FADS6: variants seen among roughly 807,000 people sequenced by gnomAD.
FADS6 encodes the protein fatty acid desaturase 6.
A neutral mutation model predicts 31.7 loss-of-function variants in FADS6; 28 were observed. The ratio of observed to expected loss-of-function variants is 0.88; its 90% CI spans 0.66 to 1.21. The LOEUF (loss-of-function observed/expected upper bound fraction) is 1.21. Ranked by LOEUF, FADS6 falls within the 50% of genes most tolerant of loss-of-function variation. FADS6 has a pLI of 0.00. For missense variants in FADS6, 494 were observed against 504.2 expected (o/e 0.98, Z 0.19); for synonymous variants, 191 against 213.1 (o/e 0.90, Z 0.90).
intron 2 of FADS6, among the ~76,000 whole-genome samples, chr17:74,886,513 T>C (rs2038625641): frequency 7.3e-6 from 1 of 136,426 alleles, no homozygotes; most frequent in African/African-American, 2.7e-5. Flanking sequence ...GAGAAGAACA[T>C]AGAAGAAGAG....
chr17:74,880,924 G>C (rs1412326482), intron 4 of FADS6, 144 bp downstream of exon 4: 1 of 834,550 alleles, frequency 1.2e-6, no homozygotes, highest in African/African-American at 1.7e-5. Context: ...ACGAGGCGAG[G>C]GCACAGTGTG....
At chr17:74,881,299 A>T (rs562859192) in intron 3 of FADS6, 44 bp from the exon 4 acceptor site, 272 of 1,524,802 alleles carry the variant, frequency 1.8e-4, no homozygotes, top group Non-Finnish European at 2.2e-4. Context: ...ATCCATCAGG[A>T]GGGGCTCCCT....
intron 2 of FADS6, among the ~76,000 whole-genome samples, chr17:74,891,889 G>A (rs1035619894): frequency 3.3e-5 from 5 of 152,160 alleles, no homozygotes; most frequent in Non-Finnish European, 5.9e-5. Context: ...GTGACCAGGC[G>A]ACGGTCCCCC....
chr17:74,885,976 A>G (rs1224042072), intron 2 of FADS6, among the ~76,000 whole-genome samples: 2 of 152,180 alleles, frequency 1.3e-5, no homozygotes, highest in East Asian at 3.8e-4. Flanking sequence ...GCAGTGGCTC[A>G]CGCCTGTAAT....
chr17:74,875,358 T>C (rs773946661), downstream of FADS6, among the ~76,000 whole-genome samples: 1 of 152,242 alleles, frequency 6.6e-6, no homozygotes, highest in Non-Finnish European at 1.5e-5. Flanking sequence ...ACCTCCCATA[T>C]GTCTCTGTAG....
chr17:74,880,394 C>G (rs1243152628), intron 4 of FADS6, among the ~76,000 whole-genome samples: 2 of 151,850 alleles, frequency 1.3e-5, no homozygotes, highest in South Asian at 2.1e-4. Context: ...TCACTGTGTC[C>G]CCCAGGCTGG....
downstream of FADS6, among the ~76,000 whole-genome samples, chr17:74,875,271 AGAT>A (rs2038501105): frequency 6.6e-6 from 1 of 152,250 alleles, no homozygotes; most frequent in African/African-American, 2.4e-5. Context: ...CATTAAAATC[AGAT>A]GATGAGGTCA....
rs1279815297 is a variant in FADS6, at chr17:74,880,996, C to G, written c.780+72G>C. 14 of 1,471,246 alleles carry G rather than the reference C, an allele frequency of 9.5e-6. 1 individual carries two copies. The African/African-American group carries it at 1.8e-4, about 19-fold the overall frequency. 91.1% of individuals were successfully genotyped at this position (1,471,246 alleles called of 1,614,324 possible). Reference sequence around the variant, plus strand: ...GGCCCCTCTCTCCTCAACCTAGAGTCCAGCCTGTGATCAGGGCCCCTGGAG... The same window carrying G: ...GGCCCCTCTCTCCTCAACCTAGAGTGCAGCCTGTGATCAGGGCCCCTGGAG... On this transcript the variant is annotated intron_variant, in intron 4 of 5. Transcript: ENST00000612771.
At chr17:74,874,815 A>G (rs2038493748), downstream of FADS6, among the ~76,000 whole-genome samples, 1 of 152,228 alleles carries the variant, frequency 6.6e-6, no homozygotes, top group African/African-American at 2.4e-5. Flanking sequence ...TTATTGGAAG[A>G]CATCCATGCT....
chr17:74,888,333 A>C (rs1022258947), intron 2 of FADS6, among the ~76,000 whole-genome samples: 1 of 152,166 alleles, frequency 6.6e-6, no homozygotes, highest in East Asian at 1.9e-4. Flanking sequence ...AGCTTTTACA[A>C]AAGTATATTT....
intron 3 of FADS6, 37 bp downstream of exon 3, chr17:74,882,493 T>C (rs967244322): frequency 2.5e-6 from 4 of 1,577,686 alleles, no homozygotes; most frequent in Admixed American, 1.8e-5. Context: ...ACTAGGTCCA[T>C]GCAGGACACT....
intron 2 of FADS6, 62 bp from the exon 3 acceptor site, chr17:74,882,772 A>G (rs1451360378): frequency 1.2e-5 from 19 of 1,557,034 alleles, no homozygotes; most frequent in East Asian, 2.4e-5. Context: ...GCAATGCAGG[A>G]CCTTTGAGAG....
intron 2 of FADS6, among the ~76,000 whole-genome samples, chr17:74,886,010 C>T (rs780612801): frequency 2.6e-5 from 4 of 151,912 alleles, no homozygotes; most frequent in East Asian, 1.9e-4. Flanking sequence ...GAGGCCGAGG[C>T]GGGCGGATCA....
chr17:74,888,150 A>ACGCGCG (rs1427018515), intron 2 of FADS6, among the ~76,000 whole-genome samples: 5 of 123,646 alleles, frequency 4.0e-5, no homozygotes, highest in African/African-American at 1.9e-4. Context: ...ACACACACAC[A>ACGCGCG]CACACGCGCG....
intron 2 of FADS6, among the ~76,000 whole-genome samples, chr17:74,886,729 G>A (rs1035765751): frequency 5.9e-5 from 9 of 151,978 alleles, no homozygotes; most frequent in Non-Finnish European, 1.2e-4. Flanking sequence ...CCTGCCATAC[G>A]CCCCCTTTCC....
rs1442422933 is a variant in FADS6, at chr17:74,879,497, C to A, written c.867G>T (p.Leu289=). The A allele has an allele frequency of 6.2e-7, 1 of 1,613,790 alleles. No homozygotes were observed. The highest frequency in any genetic ancestry group is 2.2e-5 in the East Asian group (1 of 44,898). ...MSLGVLNLAR[L]PVLDWAFGHS... ...GGCCGAACGCCCAGTCCAGCACGGG[C>A]AGCCGGGCCAGGTTAAGCACCCCCA... Residue 289 remains leucine (L), a synonymous_variant, in exon 5 of 6, where the codon CTG becomes CTT. Coordinates refer to ENST00000612771, the MANE Select transcript of FADS6 (RefSeq NM_178128.6).
At chr17:74,882,846 A>G (rs1467967857) in intron 2 of FADS6, 136 bp from the exon 3 acceptor site, 1 of 1,520,748 alleles carries the variant, frequency 6.6e-7, no homozygotes, top group African/African-American at 1.4e-5. Flanking sequence ...TTACAGCCCC[A>G]GCTAATCCGC....
At chr17:74,888,159 C>T (rs1472626288) in intron 2 of FADS6, among the ~76,000 whole-genome samples, 2 of 95,196 alleles carry the variant, frequency 2.1e-5, no homozygotes. Flanking sequence ...CACACACGCG[C>T]GCGCGCGCGC....
chr17:74,892,473 C>T (rs1326340484), intron 2 of FADS6, 50 bp downstream of exon 2: 1 of 1,569,594 alleles, frequency 6.4e-7, no homozygotes, highest in Admixed American at 1.8e-5. Context: ...AAGAATGAGG[C>T]TGCCACACGG....
Sources: allele counts gnomAD v4.1 joint callset (sites outside exome capture counted in the v4.1 genomes callset), GRCh38; gene constraint gnomAD v4.1.1; transcripts MANE v1.5; gene names NCBI Gene and HGNC (gene_info 2026-07-23, HGNC 2026-07-21).